Variants in MAVS observed in about 807,000 individuals in gnomAD.
The protein encoded by MAVS is mitochondrial antiviral-signaling protein.
Under a neutral mutation model 30.2 loss-of-function variants are expected in MAVS, and 20 were observed. That is an observed-to-expected ratio of 0.66 (90% confidence interval 0.47 to 0.96). The LOEUF is 0.96. MAVS is among the 40% of genes least tolerant of loss of function. MAVS has a pLI of 0.00. For missense variants in MAVS, 624 were observed against 701.1 expected (o/e 0.89, Z 1.24); for synonymous variants, 278 against 293.9 (o/e 0.95, Z 0.55).
intron 2 of MAVS, among the ~76,000 whole-genome samples, chr20:3,855,631 G>A (rs759229402): frequency 6.6e-6 from 1 of 152,162 alleles, no homozygotes; most frequent in Non-Finnish European, 1.5e-5. Context: ...GATTTCTCAG[G>A]AGCCCCATTG....
Position 3,867,386 on chromosome 20 carries a change from A to C in MAVS, c.*1239A>C, listed in dbSNP as rs1191901592. On this transcript the variant is annotated 3_prime_UTR_variant, in exon 7 of 7. Transcript: ENST00000428216. The stretch of plus-strand genomic sequence containing the variant: ...TGGATATATGTTATTATCACTATTA[A>C]GTGTTGAGGGTCCAGGCATGCTGGG... 1 of 233,326 alleles carries C rather than the reference A, an allele frequency of 4.3e-6. No homozygotes were observed. The highest frequency in any genetic ancestry group is 8.6e-6 in the Non-Finnish European group (1 of 116,558). 14.5% of individuals were successfully genotyped at this position (233,326 alleles called of 1,614,324 possible).
rs2089982915 is a variant in MAVS, at chr20:3,875,303, C to T, written c.*9156C>T. The T allele has an allele frequency of 6.6e-6, 1 of 152,002 alleles. No individual in the cohort carries two copies. Among genetic ancestry groups the T allele is most frequent in the African/African-American group, 2.4e-5 (1 of 41,376 alleles). 9.4% of individuals were successfully genotyped at this position (152,002 alleles called of 1,614,324 possible). On this transcript the variant is annotated 3_prime_UTR_variant, in exon 7 of 7. Coordinates refer to ENST00000428216, the MANE Select transcript of MAVS (RefSeq NM_020746.5). The stretch of plus-strand genomic sequence containing the variant: ...TGATGATATATGCCTGTAGTCCCAA[C>T]TACTTGGAAGGCTGAGGTGTGAGGA...
intron 4 of MAVS, 60 bp downstream of exon 4, chr20:3,861,564 C>T: frequency 1.3e-6 from 2 of 1,542,282 alleles, no homozygotes; most frequent in Non-Finnish European, 1.8e-6. Context: ...CCCACTTCTG[C>T]CCATTGAGCC....
At chr20:3,857,407 A>G (rs2089820611) in intron 2 of MAVS, among the ~76,000 whole-genome samples, 1 of 152,270 alleles carries the variant, frequency 6.6e-6, no homozygotes, top group South Asian at 2.1e-4. Flanking sequence ...TGGAGAGCCC[A>G]GGACATAGTT....
intron 1 of MAVS, among the ~76,000 whole-genome samples, chr20:3,849,492 AC>A (rs2089739961): frequency 6.6e-6 from 1 of 152,308 alleles, no homozygotes; most frequent in East Asian, 1.9e-4. Context: ...GGCGTGAGTC[AC>A]GCAGCCAGCC....
intron 1 of MAVS, among the ~76,000 whole-genome samples, chr20:3,848,383 G>A (rs142876389): frequency 1.3e-5 from 2 of 152,158 alleles, no homozygotes; most frequent in Admixed American, 6.5e-5. Flanking sequence ...CCAGGCGTGA[G>A]CCACCGCGCC....
chr20:3,857,499 C>T, intron 2 of MAVS, 136 bp from the exon 3 acceptor site: 1 of 1,001,440 alleles, frequency 1.0e-6, no homozygotes. Flanking sequence ...CTGTCCTGGG[C>T]TCCGATCCAG....
In MAVS at chr20:3,866,092, CA is replaced by C. The variant is rs1568538544; in HGVS notation, c.1569del (p.Val525CysfsTer3). The C allele has an allele frequency of 5.6e-6, 9 of 1,610,062 alleles. No homozygotes were observed. The highest frequency in any genetic ancestry group is 1.1e-5 in the South Asian group (1 of 91,008). On this transcript the variant is annotated frameshift_variant, in exon 7 of 7. Coordinates refer to ENST00000428216, the MANE Select transcript of MAVS (RefSeq NM_020746.5). LOFTEE classifies it low-confidence loss of function (END_TRUNC). ...GCTCTGTGGCTCCAGGTGGCTGTGA[CA>C]GGGGTGCTGGTAGTCACACTCCTGG... is the stretch of plus-strand genomic sequence containing the variant. ...PGALWLQVAV[T>X]GVLVVTLLVV...
chr20:3,857,195 C>T (rs554981644), intron 2 of MAVS, among the ~76,000 whole-genome samples: 1 of 152,242 alleles, frequency 6.6e-6, no homozygotes, highest in East Asian at 1.9e-4. Context: ...TTTTCCTTCT[C>T]TCCTAATCCA....
Position 3,861,487 on chromosome 20 carries a change from C to G in MAVS, c.448C>G (p.Pro150Ala). 1 of 1,613,990 alleles carries G rather than the reference C, an allele frequency of 6.2e-7. No individual in the cohort carries two copies. The highest frequency in any genetic ancestry group is 8.5e-7 in the Non-Finnish European group (1 of 1,179,942). Reference protein sequence around the residue: ...YPMPVQETQAPESPGENSEQA... With the variant: ...YPMPVQETQAAESPGENSEQA... ...CATGCCTGTCCAGGAGACCCAGGCG[C>G]CAGAGTCCCCAGGAGAGGTCTGTCC... Residue 150 changes from proline to alanine, a missense_variant, in exon 4 of 7, where the codon CCA (proline) becomes GCA (alanine). Transcript: ENST00000428216.
chr20:3,872,864 C>T lies in MAVS; in HGVS notation c.*6717C>T, dbSNP rs539127109. 7.5e-4 allele frequency: 115 copies of T among 152,370 alleles called. 1 individual carries two copies. Among genetic ancestry groups the T allele is most frequent in the African/African-American group, 2.6e-3 (109 of 41,558 alleles). 9.4% of individuals were successfully genotyped at this position (152,370 alleles called of 1,614,324 possible). On this transcript the variant is annotated 3_prime_UTR_variant, in exon 7 of 7. Transcript: ENST00000428216. ...ACATGTGCAGAGCACTGTGATAGGC[C>T]TCAGTGACACAGAATAATACGGCAA... is the stretch of plus-strand genomic sequence containing the variant.
rs2089906956 is a variant in MAVS at position 3,866,151 on chromosome 20, A to AGT, written c.*5_*6insTG. The AGT allele has an allele frequency of 1.3e-6, 2 of 1,569,124 alleles. No homozygotes were observed. The highest frequency in any genetic ancestry group is 1.7e-6 in the Non-Finnish European group (2 of 1,160,388). On this transcript the variant is annotated 3_prime_UTR_variant, in exon 7 of 7. Coordinates refer to ENST00000428216, the MANE Select transcript of MAVS (RefSeq NM_020746.5). ...GTACCGGCGGCGTCTGCACTAGTGA[A>AGT]GCCCTGGGCTCTTCCCACCACCCAT...
Position 3,864,403 on chromosome 20 carries a change from C to A in MAVS, c.773C>A (p.Ser258Tyr). The A allele has an allele frequency of 6.2e-7, 1 of 1,614,072 alleles. No individual in the cohort carries two copies. Among genetic ancestry groups the A allele is most frequent in the South Asian group, 1.1e-5 (1 of 91,082 alleles). Residue 258 changes from serine to tyrosine, a missense_variant, in exon 6 of 7, where the codon TCC (serine) becomes TAC (tyrosine). Physicochemically the swap from Ser to Tyr is moderately radical, Grantham distance 144. Transcript: ENST00000428216. ...ACTGGCACCTCCTTCTCCTCCTCAT[C>A]CCCTGGCTTGGCCTCTGCAGGGGCT... Reference protein sequence around the residue: ...VSTGTSFSSSSPGLASAGAAE... With the variant: ...VSTGTSFSSSYPGLASAGAAE...
rs1373306135 is a variant in MAVS at position 3,875,620 on chromosome 20, G to A, written c.*9473G>A. ...GAAGTGGCAGGGCAGGCAAAATGAA[G>A]GGAAGCCCTGGGTTCTTGTCCTGCA... On this transcript the variant is annotated 3_prime_UTR_variant, in exon 7 of 7. Transcript: ENST00000428216. 1 of 152,302 alleles carries A rather than the reference G, an allele frequency of 6.6e-6. No individual in the cohort carries two copies. Among genetic ancestry groups the A allele is most frequent in the Non-Finnish European group, 1.5e-5 (1 of 68,036 alleles). 9.4% of individuals were successfully genotyped at this position (152,302 alleles called of 1,614,324 possible). A position where few individuals can be genotyped will look rare whatever the true frequency, so the allele number is the denominator to read the frequency against.
Position 3,858,251 on chromosome 20 carries a change from C to G in MAVS, c.292+442C>G, listed in dbSNP as rs187853588. 6.7e-4 allele frequency among the ~76,000 whole-genome samples: 102 copies of G among 152,140 alleles called. 1 individual carries two copies. Among genetic ancestry groups the G allele is most frequent in the African/African-American group, 2.3e-3 (96 of 41,508 alleles). On this transcript the variant is annotated intron_variant, in intron 3 of 6. Transcript: ENST00000428216. ...CTCTCTCCTCCTTCTCTTCCCCTCC[C>G]CTGGTTTACCCTGAGAGCCTTCGAC... is the stretch of plus-strand genomic sequence containing the variant.
rs527366059 is a variant in MAVS, at chr20:3,851,126, G to A, written c.-67-3432G>A. Among the ~76,000 whole-genome samples the A allele has an allele frequency of 7.4e-4, 113 of 152,062 alleles. 1 individual carries two copies. The highest frequency in any genetic ancestry group is 2.5e-3 in the African/African-American group (105 of 41,490). On this transcript the variant is annotated intron_variant, in intron 1 of 6. Transcript: ENST00000428216. The stretch of plus-strand genomic sequence containing the variant: ...ACCTGGGGTCAGGAGTTCAGGACCG[G>A]CCTGGCCAACATTAAAACATATAAA...
intron 2 of MAVS, among the ~76,000 whole-genome samples, chr20:3,856,855 G>A (rs1042306504): frequency 2.0e-5 from 3 of 151,802 alleles, no homozygotes; most frequent in Admixed American, 1.3e-4. Flanking sequence ...CCAACATGGC[G>A]AAACCATGTC....
chr20:3,859,435 G>C (rs1411461989), intron 3 of MAVS, among the ~76,000 whole-genome samples: 1 of 151,846 alleles, frequency 6.6e-6, no homozygotes, highest in African/African-American at 2.4e-5. Context: ...TTGAACCGGG[G>C]AGGTGGAGGT....
intron 1 of MAVS, among the ~76,000 whole-genome samples, chr20:3,847,395 G>T (rs916630086): frequency 6.6e-6 from 1 of 152,234 alleles, no homozygotes; most frequent in Middle Eastern, 3.2e-3. Context: ...ATCCAAGGCT[G>T]TGAGGCCTGT....
Sources: gnomAD v4.1 joint callset for allele counts (sites outside exome capture counted in the v4.1 genomes callset) on GRCh38, gnomAD v4.1.1 for gene constraint, MANE v1.5 for transcripts, NCBI Gene and HGNC (gene_info 2026-07-23, HGNC 2026-07-21) for gene names.